ILRUN: variants seen among roughly 807,000 people sequenced by gnomAD.
The protein encoded by ILRUN is inflammation and lipid regulator with UBA-like and NBR1-like domains, also known as protein ILRUN.
A neutral mutation model predicts 33.8 loss-of-function variants in ILRUN; 3 were observed. The ratio of observed to expected loss-of-function variants is 0.09; its 90% CI spans 0.04 to 0.23. ILRUN has a LOEUF of 0.23. Among genes scored for constraint, ILRUN ranks in the 10% least tolerant of loss-of-function variants. The pLI, the probability that ILRUN is intolerant of heterozygous loss-of-function variation, is 1.00. For missense variants in ILRUN, 210 were observed against 375.1 expected (o/e 0.56, Z 3.64); for synonymous variants, 124 against 138.9 (o/e 0.89, Z 0.75).
Position 34,696,462 on chromosome 6 carries a change from G to A in ILRUN, c.142C>T (p.Leu48=), listed in dbSNP as rs778422343. 3.8e-6 allele frequency: 6 copies of A among 1,590,798 alleles called. No homozygotes were observed. The highest frequency in any genetic ancestry group is 5.1e-6 in the Non-Finnish European group (6 of 1,169,680). ...QLNPAGCAFF[L]DMTNWNLQAA... is the part of the protein sequence containing the mutation. ...CCGGCTCACCAGTTGGTCATGTCCA[G>A]GAAGAAGGCGCAACCGGCAGGATTG... Residue 48 remains leucine, a synonymous_variant, in exon 1 of 5, where the codon CTG becomes TTG. Transcript: ENST00000374023.
At chr6:34,679,299 G>C in intron 1 of ILRUN, among the ~76,000 whole-genome samples, 1 of 151,990 alleles carries the variant, frequency 6.6e-6, no homozygotes. Context: ...ATACAAATGC[G>C]TCCAATCTTT....
At position 34,646,621 on chromosome 6, in the gene ILRUN, G is replaced by A; in HGVS notation, c.491C>T (p.Ala164Val). Residue 164 changes from alanine (A) to valine (V), a missense_variant, in exon 3 of 5, where the codon GCT becomes GTT. Transcript: ENST00000374023. This position sits in a 1 kb window ranked among gnomAD's most constrained non-coding sequence, Gnocchi z 4.9. ...MYQGQWRMCTATGLYYGDVIW... is the reference protein window; with the variant it reads ...MYQGQWRMCTVTGLYYGDVIW... ...CTCACCTCCATAGTAGAGTCCTGTA[G>A]CAGTGCACATCCGCCACTGTCCCTG... 1 of 1,614,052 alleles carries A rather than the reference G, an allele frequency of 6.2e-7. No individual in the cohort carries two copies. Among genetic ancestry groups the A allele is most frequent in the Non-Finnish European group, 8.5e-7 (1 of 1,179,998 alleles).
chr6:34,653,643 C>A (rs996196169), intron 2 of ILRUN, among the ~76,000 whole-genome samples: 2 of 152,096 alleles, frequency 1.3e-5, no homozygotes, highest in African/African-American at 4.8e-5. Context: ...ATTGCCAAAG[C>A]TGGTCTTAAA....
At chr6:34,614,502 T>TA (rs61566513) in intron 3 of ILRUN, among the ~76,000 whole-genome samples, 24,698 of 142,726 alleles carry the variant, frequency 0.17, 2,362 homozygotes, top group African/African-American at 0.24. Flanking sequence ...TATATTATAT[T>TA]TTATATATAT....
rs529216327 is a variant in ILRUN, at chr6:34,590,950, A to G, written c.862-350T>C. On this transcript the variant is annotated intron_variant, in intron 4 of 4. Coordinates refer to ENST00000374023, the MANE Select transcript of ILRUN (RefSeq NM_024294.4). ...ACAAAAATGTCTCAACCACTCTGCT[A>G]AAGATCCTTATATGCCATTCTATGC... 3.9e-5 allele frequency among the ~76,000 whole-genome samples: 6 copies of G among 152,342 alleles called. No individual in the cohort carries two copies. In the South Asian group the frequency reaches 1.2e-3, roughly 32 times the overall value.
In ILRUN at chr6:34,589,660, A is replaced by C. The variant is rs753894516; in HGVS notation, c.*905T>G. On this transcript the variant is annotated 3_prime_UTR_variant, in exon 5 of 5. Coordinates refer to ENST00000374023, the MANE Select transcript of ILRUN (RefSeq NM_024294.4). ...AGCACAGAGGCACTGTTCCCAGAGC[A>C]AATGGGAAGCCACTGCATGAAGAAT... 6.6e-6 allele frequency: 1 copy of C among 152,266 alleles called. No homozygotes were observed. The highest frequency in any genetic ancestry group is 6.5e-5 in the Admixed American group (1 of 15,286). The allele number at this position is 152,266 out of a possible 1,614,324, so 9.4% of individuals were successfully genotyped here. A position where few individuals can be genotyped will look rare whatever the true frequency, so the allele number is the denominator to read the frequency against.
chr6:34,614,443 A>AAAAATAT (rs71000073), intron 3 of ILRUN, among the ~76,000 whole-genome samples: 57 of 133,584 alleles, frequency 4.3e-4, no homozygotes, highest in African/African-American at 1.3e-3. Context: ...AAAAAAAAAA[A>AAAAATAT]ATATATATAT....
intron 1 of ILRUN, among the ~76,000 whole-genome samples, chr6:34,668,019 T>C (rs1412018356): frequency 3.9e-5 from 6 of 152,186 alleles, no homozygotes; most frequent in South Asian, 2.1e-4. Flanking sequence ...ACAATAGTAC[T>C]GTAGTCATGT....
At chr6:34,643,660 T>C (rs762768904) in intron 3 of ILRUN, among the ~76,000 whole-genome samples, 1 of 152,236 alleles carries the variant, frequency 6.6e-6, no homozygotes, top group Non-Finnish European at 1.5e-5. Context: ...TGTCTTGAAC[T>C]TGATGAAGCT....
At chr6:34,671,686 T>C (rs534911581) in intron 1 of ILRUN, 1 of 152,244 alleles carries the variant, frequency 6.6e-6, no homozygotes, top group African/African-American at 2.4e-5. Context: ...GAAGGCTGAA[T>C]GCATGCATTA....
At chr6:34,639,894 C>T (rs1020704072) in intron 3 of ILRUN, among the ~76,000 whole-genome samples, 5 of 152,224 alleles carry the variant, frequency 3.3e-5, no homozygotes, top group South Asian at 2.1e-4. Flanking sequence ...GCTAATATTT[C>T]GCAAGGTAAC....
intron 1 of ILRUN, among the ~76,000 whole-genome samples, chr6:34,661,731 G>A (rs962174702): frequency 1.3e-5 from 2 of 152,110 alleles, no homozygotes; most frequent in African/African-American, 4.8e-5. Context: ...TATCTAGTTT[G>A]AAGTAAGTTT....
chr6:34,685,693 A>T (rs577136275), intron 1 of ILRUN: 2 of 152,292 alleles, frequency 1.3e-5, no homozygotes, highest in Non-Finnish European at 2.9e-5. Context: ...GAACATTCAT[A>T]AGTTTCCTGC....
Position 34,695,612 on chromosome 6 carries a change from A to G in ILRUN, c.158+834T>C, listed in dbSNP as rs576940407. 6.6e-5 allele frequency among the ~76,000 whole-genome samples: 10 copies of G among 152,234 alleles called. No homozygotes were observed. In the South Asian group the frequency reaches 1.5e-3, roughly 22 times the overall value. On this transcript the variant is annotated intron_variant, in intron 1 of 4. Transcript: ENST00000374023. ...ATCTGTCAACTTAGCTTTCTTTCAGATAAGCCCCTCTCCATTCCCAGCATT... is the reference window on the plus strand; with the variant it reads ...ATCTGTCAACTTAGCTTTCTTTCAGGTAAGCCCCTCTCCATTCCCAGCATT...
chr6:34,672,558 A>T (rs772846460), intron 1 of ILRUN, among the ~76,000 whole-genome samples: 10 of 151,964 alleles, frequency 6.6e-5, no homozygotes, highest in African/African-American at 1.2e-4. Context: ...TTTAAAAAAA[A>T]TTTTTTTTAA....
chr6:34,645,948 T>G (rs938688035), intron 3 of ILRUN, among the ~76,000 whole-genome samples: 2 of 151,994 alleles, frequency 1.3e-5, no homozygotes, highest in African/African-American at 4.8e-5. Flanking sequence ...GTCCTATGAG[T>G]CTAAGAAAGT....
intron 2 of ILRUN, among the ~76,000 whole-genome samples, chr6:34,653,735 T>A (rs1350852981): frequency 6.6e-6 from 1 of 152,054 alleles, no homozygotes; most frequent in Non-Finnish European, 1.5e-5. Flanking sequence ...TAATATCAGC[T>A]ATCCAAGTGA....
At chr6:34,603,145 G>C (rs2092344) in intron 4 of ILRUN, among the ~76,000 whole-genome samples, 25,216 of 152,150 alleles carry the variant, frequency 0.17, 2,299 homozygotes, top group African/African-American at 0.23. Context: ...TCTCTCTGGA[G>C]TTAATCAGAT....
intron 3 of ILRUN, among the ~76,000 whole-genome samples, chr6:34,630,096 G>A (rs577137216): frequency 2.4e-4 from 37 of 152,250 alleles, no homozygotes; most frequent in African/African-American, 8.7e-4. Context: ...TTCGACACAA[G>A]CACTGCAATA....
Sources: gnomAD v4.1 joint callset for allele counts (sites outside exome capture counted in the v4.1 genomes callset) on GRCh38, gnomAD v4.1.1 for gene constraint, Gnocchi (gnomAD v3.1) non-coding constraint, MANE v1.5 for transcripts, NCBI Gene and HGNC (gene_info 2026-07-23, HGNC 2026-07-21) for gene names.